Variants in CERS6 observed in about 807,000 individuals in gnomAD.
CERS6 encodes ceramide synthase 6.
A neutral mutation model predicts 56.8 loss-of-function variants in CERS6; 26 were observed. The ratio of observed to expected loss-of-function variants is 0.46; its 90% CI spans 0.34 to 0.63. The LOEUF is 0.63. Among genes scored for constraint, CERS6 ranks in the 30% least tolerant of loss-of-function variants. The pLI is 0.01. For synonymous variants in CERS6, 164 were observed against 173.3 expected (o/e 0.95, Z 0.42); for missense variants, 415 against 467.5 (o/e 0.89, Z 1.04).
At chr2:168,643,848 C>T (rs1685105433) in intron 4 of CERS6, among the ~76,000 whole-genome samples, 1 of 152,178 alleles carries the variant, frequency 6.6e-6, no homozygotes, top group African/African-American at 2.4e-5. Context: ...TCTCGAGGTC[C>T]AGAATCACAT....
chr2:168,474,862 A>G (rs1694041405), intron 1 of CERS6, among the ~76,000 whole-genome samples: 1 of 152,208 alleles, frequency 6.6e-6, no homozygotes, highest in Non-Finnish European at 1.5e-5. Context: ...AGTTACCTTG[A>G]ACAAGAAATC....
At chr2:168,540,091 A>G (rs1695339374) in intron 1 of CERS6, among the ~76,000 whole-genome samples, 1 of 151,698 alleles carries the variant, frequency 6.6e-6, no homozygotes, top group Admixed American at 6.6e-5. Flanking sequence ...AAATACCCTT[A>G]GTTTCCTTTT....
At position 168,456,559 on chromosome 2, in the gene CERS6, C is replaced by T. The variant is rs1693658214; in HGVS notation, c.111C>T (p.Asp37=). 1 of 1,613,914 alleles carries T rather than the reference C, an allele frequency of 6.2e-7. No homozygotes were observed. Residue 37 remains aspartate (D), a synonymous_variant, in exon 1 of 10, where the codon GAC becomes GAT. Coordinates refer to ENST00000305747, the MANE Select transcript of CERS6 (RefSeq NM_203463.3). The surrounding 1 kb of genome is among the most constrained non-coding windows in gnomAD (Gnocchi z 4.1). ...TEEATFPQAE[D]LYLAFPLAFC... ...AGGCCACCTTCCCGCAGGCTGAGGA[C>T]CTCTATCTCGCTTTTCCCCTGGCCT...
chr2:168,551,605 T>G (rs1169845806), intron 2 of CERS6, among the ~76,000 whole-genome samples: 2 of 152,240 alleles, frequency 1.3e-5, no homozygotes, highest in Admixed American at 1.3e-4. Context: ...GAGGGTTAAA[T>G]AATCATGTAA....
At chr2:168,601,105 GC>G (rs1683922898) in intron 3 of CERS6, among the ~76,000 whole-genome samples, 1 of 152,038 alleles carries the variant, frequency 6.6e-6, no homozygotes, top group Middle Eastern at 3.2e-3. Flanking sequence ...TTCAGCCTAC[GC>G]CCTGTGATTC....
At chr2:168,668,104 A>T (rs60966689) in intron 4 of CERS6, among the ~76,000 whole-genome samples, 7,213 of 152,286 alleles carry the variant, frequency 0.047, 433 homozygotes, top group African/African-American at 0.14. Flanking sequence ...TGTGGAATCA[A>T]CAGATGTTTT....
intron 8 of CERS6, among the ~76,000 whole-genome samples, chr2:168,764,566 C>G (rs945689426): frequency 6.6e-6 from 1 of 151,918 alleles, no homozygotes; most frequent in East Asian, 1.9e-4. Flanking sequence ...AATTAAGGAC[C>G]CTCTAATGAC....
intron 3 of CERS6, among the ~76,000 whole-genome samples, chr2:168,570,435 T>C (rs746962955): frequency 6.6e-6 from 1 of 152,240 alleles, no homozygotes; most frequent in Non-Finnish European, 1.5e-5. Context: ...GTCTTTGAAC[T>C]TCAGAGATTT....
intron 3 of CERS6, among the ~76,000 whole-genome samples, chr2:168,571,126 G>T (rs910954939): frequency 1.3e-5 from 2 of 152,092 alleles, no homozygotes; most frequent in Non-Finnish European, 2.9e-5. Context: ...TGAAAAGGAA[G>T]CACTCTGTTA....
At chr2:168,632,409 TTATA>T (rs1684768346) in intron 4 of CERS6, among the ~76,000 whole-genome samples, 1 of 152,226 alleles carries the variant, frequency 6.6e-6, no homozygotes, top group East Asian at 1.9e-4. Context: ...GTGAATTCTA[TTATA>T]AATAGTGGTT....
At chr2:168,594,987 GA>G (rs1158392932) in intron 3 of CERS6, among the ~76,000 whole-genome samples, 1 of 152,180 alleles carries the variant, frequency 6.6e-6, no homozygotes, top group African/African-American at 2.4e-5. Context: ...TTGAGATTAA[GA>G]GAATTGCCTA....
chr2:168,634,744 C>T (rs866286827), intron 4 of CERS6, among the ~76,000 whole-genome samples: 7 of 152,130 alleles, frequency 4.6e-5, no homozygotes, highest in South Asian at 2.1e-4. Flanking sequence ...CAATTCATTT[C>T]GCACACACGC....
At chr2:168,703,284 T>C (rs1686848008) in intron 6 of CERS6, among the ~76,000 whole-genome samples, 1 of 152,104 alleles carries the variant, frequency 6.6e-6, no homozygotes, top group South Asian at 2.1e-4. Context: ...ATACCAGGTT[T>C]TGTGGCTCAT....
In CERS6 at chr2:168,559,754, T is replaced by TATATATATATATATATATATATATATATA. The variant is rs56014027; in HGVS notation, c.277-1438_277-1437insATATATATATATATATATATATATATATA. Among the ~76,000 whole-genome samples, 349 of 123,646 alleles carry TATATATATATATATATATATATATATATA rather than the reference T, an allele frequency of 2.8e-3. 2 individuals carry two copies. The highest frequency in any genetic ancestry group is 3.8e-3 in the Non-Finnish European group (213 of 55,616). 81.1% of individuals were successfully genotyped at this position (123,646 alleles called of 152,430 possible). A position where few individuals can be genotyped will look rare whatever the true frequency, so the allele number is the denominator to read the frequency against. ...GGTATCATATATATATATATATATATTTCACCCTTATTACTTGAAGTTTGG... is the reference window on the plus strand; with the variant it reads ...GGTATCATATATATATATATATATATATATATATATATATATATATATATATATATTCACCCTTATTACTTGAAGTTTGG... On this transcript the variant is annotated intron_variant, in intron 2 of 9. Coordinates refer to ENST00000305747, the MANE Select transcript of CERS6 (RefSeq NM_203463.3).
At chr2:168,534,681 C>G (rs999250705) in intron 1 of CERS6, among the ~76,000 whole-genome samples, 12 of 152,158 alleles carry the variant, frequency 7.9e-5, no homozygotes, top group Admixed American at 1.3e-4. Context: ...CCTGACAACC[C>G]CTGTTGGACG....
At chr2:168,460,244 G>T (rs1047590473) in intron 1 of CERS6, among the ~76,000 whole-genome samples, 5 of 151,562 alleles carry the variant, frequency 3.3e-5, no homozygotes, top group Admixed American at 1.3e-4. Flanking sequence ...ACCCATGCTG[G>T]AGTGCAGTGG....
At chr2:168,546,298 G>A (rs1291481011) in intron 1 of CERS6, among the ~76,000 whole-genome samples, 2 of 152,176 alleles carry the variant, frequency 1.3e-5, no homozygotes, top group African/African-American at 2.4e-5. Flanking sequence ...GAAGTTTGGG[G>A]AAAACTCCAG....
At chr2:168,586,213 TAA>T (rs57792343) in intron 3 of CERS6, among the ~76,000 whole-genome samples, 7 of 139,740 alleles carry the variant, frequency 5.0e-5, no homozygotes, top group Admixed American at 7.2e-5. Context: ...AAGATACCTT[TAA>T]AAAAAAAAAA....
chr2:168,508,723 T>G (rs1694725114), intron 1 of CERS6, among the ~76,000 whole-genome samples: 6 of 143,142 alleles, frequency 4.2e-5, no homozygotes, highest in African/African-American at 7.9e-5. Context: ...GGGTGGGGGG[T>G]AGGGGAGGGG....
Sources: allele counts gnomAD v4.1 joint callset (sites outside exome capture counted in the v4.1 genomes callset), GRCh38; gene constraint gnomAD v4.1.1; non-coding constraint Gnocchi (gnomAD v3.1); transcripts MANE v1.5; gene names NCBI Gene and HGNC (gene_info 2026-07-23, HGNC 2026-07-21).